CFAP47: variants seen among roughly 807,000 people sequenced by gnomAD.
The protein encoded by CFAP47 is cilia and flagella associated protein 47, also known as cilia- and flagella-associated protein 47.
In CFAP47, 29 loss-of-function variants were observed where a neutral mutation model predicts 148.1. That is an observed-to-expected ratio of 0.20 (90% CI 0.15 to 0.27). The LOEUF is 0.27. Ranked by LOEUF, CFAP47 falls within the 10% of genes least tolerant of loss-of-function variation. CFAP47 has a pLI of 1.00. For missense variants in CFAP47, 1,872 were observed against 1,697.5 expected (o/e 1.10, Z -1.81); for synonymous variants, 664 against 577.3 (o/e 1.15, Z -2.15).
chrX:35,999,505 G>C (rs1936889713), intron 19 of CFAP47, among the ~76,000 whole-genome samples: 1 of 111,952 alleles, frequency 8.9e-6, no homozygotes. Flanking sequence ...ATACAAAAAT[G>C]AATCACGCTA....
chrX:36,086,582 C>T (rs772209841), intron 30 of CFAP47, among the ~76,000 whole-genome samples: 12 of 111,846 alleles, frequency 1.1e-4, no homozygotes, highest in African/African-American at 3.6e-4. Context: ...AAAGATTTGA[C>T]ATTCAATTTT....
At chrX:36,320,419 C>A (rs1941469269) in intron 57 of CFAP47, among the ~76,000 whole-genome samples, 1 of 111,684 alleles carries the variant, frequency 9.0e-6, no homozygotes, top group Non-Finnish European at 1.9e-5. Context: ...ATAAAAACAT[C>A]CTAAATGTCA....
intron 45 of CFAP47, among the ~76,000 whole-genome samples, chrX:36,206,797 C>A (rs1056477625): frequency 7.2e-5 from 8 of 111,392 alleles, no homozygotes; most frequent in Admixed American, 2.9e-4. Flanking sequence ...TATTAATTAT[C>A]CATTTTGGTA....
intron 56 of CFAP47, among the ~76,000 whole-genome samples, chrX:36,314,374 A>G (rs1556010541): frequency 8.9e-6 from 1 of 111,810 alleles, no homozygotes; most frequent in Admixed American, 9.6e-5. Flanking sequence ...CCCAGAAACC[A>G]GCATAGCCAC....
chrX:36,174,124 C>A (rs1238512306), intron 39 of CFAP47, among the ~76,000 whole-genome samples: 4 of 107,031 alleles, frequency 3.7e-5, no homozygotes, highest in Non-Finnish European at 7.7e-5. Context: ...GATTGCAACC[C>A]CTGCCTTTTT....
intron 3 of CFAP47, 141 bp from the exon 4 acceptor site, chrX:35,948,173 C>T (rs1030909488): frequency 8.5e-5 from 38 of 446,711 alleles, no homozygotes; most frequent in South Asian, 2.4e-4. Context: ...CATTCAAAGC[C>T]GTCCTGGGCT....
Position 36,145,227 on chromosome X carries a change from C to T in CFAP47, c.5544C>T (p.Asp1848=), listed in dbSNP as rs1204598695. ...ATCTTCTTTGAAACTAGGCCACAGA[C>T]ATCTGTGACCCAAATCCAATCCTGA... ...IDFDVEIQAT[D]ICDPNPILML... The change falls in exon 36 of 64, where the codon GAC becomes GAT. Residue 1848 remains aspartate (D), a synonymous_variant. Coordinates refer to ENST00000378653, the MANE Select transcript of CFAP47 (RefSeq NM_001304548.2). The T allele has an allele frequency of 1.7e-5, 5 of 300,714 alleles. No individual in the cohort carries two copies. Among genetic ancestry groups the T allele is most frequent in the Admixed American group, 5.8e-5 (1 of 17,216 alleles). The allele number at this position is 300,714 out of a possible 1,213,427, so 24.8% of individuals were successfully genotyped here. A position where few individuals can be genotyped will look rare whatever the true frequency, so the allele number is the denominator to read the frequency against.
intron 39 of CFAP47, among the ~76,000 whole-genome samples, chrX:36,171,308 C>T (rs1391491757): frequency 5.4e-5 from 6 of 110,310 alleles, no homozygotes; most frequent in Non-Finnish European, 1.1e-4. Flanking sequence ...TTAATTAGAT[C>T]CCATTTGTCA....
At chrX:35,955,701 A>T (rs775600535) in intron 7 of CFAP47, among the ~76,000 whole-genome samples, 2 of 112,321 alleles carry the variant, frequency 1.8e-5, no homozygotes, top group Non-Finnish European at 3.8e-5. Flanking sequence ...GTGTAAACAT[A>T]TAACATTATT....
Position 36,137,546 on chromosome X carries a change from G to T in CFAP47, c.5321-412G>T, listed in dbSNP as rs73472830. Among the ~76,000 whole-genome samples the T allele has an allele frequency of 4.8e-3, 535 of 110,649 alleles. 4 individuals carry two copies. Among genetic ancestry groups the T allele is most frequent in the African/African-American group, 0.016 (502 of 30,550 alleles). ...CTGCCACGTGGATGAATTTCTGCAA[G>T]AAATAAAGAAACTGGCACTAGCACT... On this transcript the variant is annotated intron_variant, in intron 33 of 63. Coordinates refer to ENST00000378653, the MANE Select transcript of CFAP47 (RefSeq NM_001304548.2).
At chrX:35,966,148 T>G (rs1257210386) in intron 8 of CFAP47, among the ~76,000 whole-genome samples, 1 of 106,568 alleles carries the variant, frequency 9.4e-6, no homozygotes, top group African/African-American at 3.3e-5. Context: ...AGAAAAATAA[T>G]TTTTTAAATA....
intron 44 of CFAP47, among the ~76,000 whole-genome samples, chrX:36,204,701 G>T (rs781916449): frequency 1.8e-5 from 2 of 111,598 alleles, no homozygotes; most frequent in Non-Finnish European, 3.8e-5. Context: ...TTCCTCTTAA[G>T]GCAAGGCATT....
chrX:35,989,677 T>A (rs1936764278), intron 16 of CFAP47: 2 of 830,696 alleles, frequency 2.4e-6, no homozygotes, highest in Non-Finnish European at 3.2e-6. Context: ...TCAGAGAATA[T>A]ACTTGATGGA....
chrX:36,014,551 T>A lies in CFAP47; in HGVS notation c.3418-223T>A, dbSNP rs186961184. Among the ~76,000 whole-genome samples the A allele has an allele frequency of 7.2e-5, 8 of 111,374 alleles. No individual in the cohort carries two copies. In the Admixed American group the frequency reaches 7.7e-4, roughly 11 times the overall value. On this transcript the variant is annotated intron_variant, in intron 21 of 63. Coordinates refer to ENST00000378653, the MANE Select transcript of CFAP47 (RefSeq NM_001304548.2). ...TTTTATATTTAAAATCTGGTTCATTTTGAATGAATAAGAATTATTTTAAAA... is the reference window on the plus strand; with the variant it reads ...TTTTATATTTAAAATCTGGTTCATTATGAATGAATAAGAATTATTTTAAAA...
At chrX:36,048,248 T>A (rs1275864475) in intron 26 of CFAP47, among the ~76,000 whole-genome samples, 1 of 111,900 alleles carries the variant, frequency 8.9e-6, no homozygotes, top group Non-Finnish European at 1.9e-5. Flanking sequence ...ATTGGTAATC[T>A]ATTAGCATAT....
At chrX:36,304,888 G>A (rs1941334282) in intron 54 of CFAP47, among the ~76,000 whole-genome samples, 2 of 112,098 alleles carry the variant, frequency 1.8e-5, no homozygotes, top group Admixed American at 1.9e-4. Context: ...TAAAGCATAG[G>A]ACACCATTTA....
At chrX:35,989,562 C>G (rs1267186086) in intron 16 of CFAP47, 113 bp downstream of exon 16, 2 of 1,192,377 alleles carry the variant, frequency 1.7e-6, no homozygotes, top group Non-Finnish European at 2.3e-6. Context: ...CCAAGACTTT[C>G]ATGCAACAGT....
chrX:36,148,901 A>ATGTT (rs756428995), intron 36 of CFAP47, among the ~76,000 whole-genome samples: 1 of 92,263 alleles, frequency 1.1e-5, no homozygotes, highest in African/African-American at 4.1e-5. Context: ...AACTGTATGT[A>ATGTT]TGTGTGTGTG....
At position 36,275,910 on chromosome X, in the gene CFAP47, C is replaced by G. The variant is rs191518661; in HGVS notation, c.7445-4577C>G. 2.7e-5 allele frequency among the ~76,000 whole-genome samples: 3 copies of G among 111,018 alleles called. No individual in the cohort carries two copies. The Admixed American group carries it at 2.9e-4, about 11-fold the overall frequency. Reference sequence around the variant, plus strand: ...GCAGATCTTCTAGTTCTTCAAGAGACAGTTTTCGTAGATTATGTGTTTCTA... The same window carrying G: ...GCAGATCTTCTAGTTCTTCAAGAGAGAGTTTTCGTAGATTATGTGTTTCTA... On this transcript the variant is annotated intron_variant, in intron 49 of 63. Transcript: ENST00000378653.
Sources: gnomAD v4.1 joint callset for allele counts (sites outside exome capture counted in the v4.1 genomes callset) on GRCh38, gnomAD v4.1.1 for gene constraint, MANE v1.5 for transcripts, NCBI Gene and HGNC (gene_info 2026-07-23, HGNC 2026-07-21) for gene names.